The following PHACTR2 variants were observed in gnomAD, a reference collection of about 807,000 sequenced individuals.
PHACTR2 encodes chromosome 6 open reading frame 56.
Under a neutral mutation model 76.0 loss-of-function variants are expected in PHACTR2, and 30 were observed. The observed-to-expected ratio is 0.39, with a 90% CI of 0.30 to 0.54. PHACTR2 has a LOEUF of 0.54. Ranked by LOEUF, PHACTR2 falls within the 20% of genes least tolerant of loss-of-function variation. The pLI is 0.61. For missense variants in PHACTR2, 696 were observed against 781.1 expected, an observed-to-expected ratio of 0.89 and a Z score of 1.30; for synonymous variants, 292 against 292.5, an observed-to-expected ratio of 1.00 and a Z score of 0.02.
chr6:143,786,773 C>T (rs1775565161), intron 10 of PHACTR2, among the ~76,000 whole-genome samples: 2 of 152,182 alleles, frequency 1.3e-5, no homozygotes, highest in South Asian at 2.1e-4. Flanking sequence ...GAGACTCATT[C>T]ACTATCACGA....
Position 143,706,081 on chromosome 6 carries a change from G to A in PHACTR2, c.47-5935G>A, listed in dbSNP as rs1778046856. ...TACTATAATTTTACTTTGTTGCTGA[G>A]ATTATTCCAGCTTTGGCCTTTGGAA... is the stretch of plus-strand genomic sequence containing the variant. On this transcript the variant is annotated intron_variant, in intron 1 of 12. Coordinates refer to ENST00000440869, the MANE Select transcript of PHACTR2 (RefSeq NM_001100164.2). 2.6e-5 allele frequency among the ~76,000 whole-genome samples: 4 copies of A among 152,128 alleles called. No homozygotes were observed. In the East Asian group the frequency reaches 7.7e-4, roughly 29 times the overall value.
rs1030306301 is a variant in PHACTR2 at position 143,757,480 on chromosome 6, T to G, written c.455-2921T>G. Among the ~76,000 whole-genome samples, 1 of 152,172 alleles carries G rather than the reference T, an allele frequency of 6.6e-6. No individual in the cohort carries two copies. Among genetic ancestry groups the G allele is most frequent in the African/African-American group, 2.4e-5 (1 of 41,442 alleles). On this transcript the variant is annotated intron_variant, in intron 4 of 12. Coordinates refer to ENST00000440869, the MANE Select transcript of PHACTR2 (RefSeq NM_001100164.2). The surrounding 1 kb of genome is among the most constrained non-coding windows in gnomAD (Gnocchi z 4.2). ...GGTAAGAATTGCATTCTAGGCAGGG[T>G]GAGGACCACATGCAGCCCCAGGCTT...
At chr6:143,724,907 A>G (rs1441147951) in intron 2 of PHACTR2, among the ~76,000 whole-genome samples, 1 of 152,030 alleles carries the variant, frequency 6.6e-6, no homozygotes, top group Non-Finnish European at 1.5e-5. Flanking sequence ...TCCAGTGTGG[A>G]CTCCTGAGAT....
chr6:143,780,169 A>C lies in PHACTR2; in HGVS notation c.1645+2786A>C, dbSNP rs1775392586. The stretch of plus-strand genomic sequence containing the variant: ...TATGAAAATTTTTAAACATGAAGAA[A>C]AGTTGGAGGAATTTTACAGTAAATC... On this transcript the variant is annotated intron_variant, in intron 9 of 12. Transcript: ENST00000440869. This position sits in a 1 kb window ranked among gnomAD's most constrained non-coding sequence, Gnocchi z 4.4. Among the ~76,000 whole-genome samples the C allele has an allele frequency of 6.6e-6, 1 of 152,106 alleles. No homozygotes were observed. The highest frequency in any genetic ancestry group is 1.5e-5 in the Non-Finnish European group (1 of 68,030).
chr6:143,584,856 A>G (rs527624479), intron 1 of PHACTR2, among the ~76,000 whole-genome samples: 19 of 152,102 alleles, frequency 1.2e-4, no homozygotes, highest in African/African-American at 4.6e-4. Flanking sequence ...GGTAATAAAG[A>G]TTAGGACTCG....
chr6:143,808,408 C>T (rs1299330004), intron 12 of PHACTR2, among the ~76,000 whole-genome samples: 2 of 152,066 alleles, frequency 1.3e-5, no homozygotes, highest in African/African-American at 4.8e-5. Context: ...GGATTACAGG[C>T]ATAAGCCACC....
At chr6:143,769,452 G>A (rs1335400718) in intron 6 of PHACTR2, among the ~76,000 whole-genome samples, 1 of 152,124 alleles carries the variant, frequency 6.6e-6, no homozygotes, top group Non-Finnish European at 1.5e-5. Context: ...CTCATTAAGT[G>A]TAAAATATAA....
At chr6:143,797,722 G>A (rs1202319483) in intron 11 of PHACTR2, among the ~76,000 whole-genome samples, 2 of 152,044 alleles carry the variant, frequency 1.3e-5, no homozygotes, top group African/African-American at 2.4e-5. Flanking sequence ...GGTGGTGGAT[G>A]TGTGGTGTTA....
At position 143,739,392 on chromosome 6, in the gene PHACTR2, G is replaced by A. The variant is rs1277554786; in HGVS notation, c.215-9593G>A. 6.6e-6 allele frequency among the ~76,000 whole-genome samples: 1 copy of A among 152,112 alleles called. No homozygotes were observed. Among genetic ancestry groups the A allele is most frequent in the Non-Finnish European group, 1.5e-5 (1 of 68,014 alleles). On this transcript the variant is annotated intron_variant, in intron 2 of 12. Transcript: ENST00000440869. This position sits in a 1 kb window ranked among gnomAD's most constrained non-coding sequence, Gnocchi z 4.3. ...GATTCACTTTAAAATCAGTTCTCTA[G>A]CCTGTTCTTTTTGGGACGAGATTAG...
Position 143,620,782 on chromosome 6 carries a change from A to T in PHACTR2, c.13+12460A>T, listed in dbSNP as rs916127042. 5.5e-4 allele frequency among the ~76,000 whole-genome samples: 84 copies of T among 152,246 alleles called. 3 individuals carry two copies. The highest frequency in any genetic ancestry group is 1.3e-4 in the Admixed American group (2 of 15,284). ...TTTATGCAGGGGGAAAGCCAGGCAC[A>T]GTTTACCCTTTGGGACGCATGCAAT... On this transcript the variant is annotated intron_variant, in intron 1 of 11. Transcript: ENST00000305766.
chr6:143,724,160 G>C (rs1778505404), intron 2 of PHACTR2, among the ~76,000 whole-genome samples: 1 of 151,686 alleles, frequency 6.6e-6, no homozygotes, highest in Non-Finnish European at 1.5e-5. Flanking sequence ...TTTTGAGATG[G>C]AGTCTCACTC....
Position 143,830,551 on chromosome 6 carries a change from G to A in PHACTR2, c.*6862G>A, listed in dbSNP as rs926984990. ...TTATCTGTACTGTATTATAGTATGTGGGTATAAATATCTACAAGTATACAC... is the reference window on the plus strand; with the variant it reads ...TTATCTGTACTGTATTATAGTATGTAGGTATAAATATCTACAAGTATACAC... On this transcript the variant is annotated 3_prime_UTR_variant, in exon 13 of 13. Coordinates refer to ENST00000440869, the MANE Select transcript of PHACTR2 (RefSeq NM_001100164.2). 2 of 152,012 alleles carry A rather than the reference G, an allele frequency of 1.3e-5. No individual in the cohort carries two copies. Among genetic ancestry groups the A allele is most frequent in the Admixed American group, 6.5e-5 (1 of 15,268 alleles). The allele number at this position is 152,012 out of a possible 1,614,324, so 9.4% of individuals were successfully genotyped here. A position where few individuals can be genotyped will look rare whatever the true frequency, so the allele number is the denominator to read the frequency against.
chr6:143,806,864 G>C lies in PHACTR2; in HGVS notation c.1846-193G>C, dbSNP rs973184838. On this transcript the variant is annotated intron_variant, in intron 11 of 12. Coordinates refer to ENST00000440869, the MANE Select transcript of PHACTR2 (RefSeq NM_001100164.2). The surrounding 1 kb of genome is among the most constrained non-coding windows in gnomAD (Gnocchi z 5.8). Reference sequence around the variant, plus strand: ...CCGAGCTACTGGGAATGCTGAGTTGGGAGGATCACTTGAGCCCAGGAGTTT... The same window carrying C: ...CCGAGCTACTGGGAATGCTGAGTTGCGAGGATCACTTGAGCCCAGGAGTTT... 6.6e-6 allele frequency among the ~76,000 whole-genome samples: 1 copy of C among 151,872 alleles called. No individual in the cohort carries two copies. Among genetic ancestry groups the C allele is most frequent in the Admixed American group, 6.6e-5 (1 of 15,224 alleles).
rs1468438559 is a variant in PHACTR2, at chr6:143,739,446, T to C, written c.215-9539T>C. Among the ~76,000 whole-genome samples the C allele has an allele frequency of 1.3e-5, 2 of 152,196 alleles. No homozygotes were observed. The highest frequency in any genetic ancestry group is 2.9e-5 in the Non-Finnish European group (2 of 68,044). ...GTAATTTCTCTAGGGATGATTATCA[T>C]TATTCGTATTTCAAACATTGGTCCC... On this transcript the variant is annotated intron_variant, in intron 2 of 12. Transcript: ENST00000440869. This position sits in a 1 kb window ranked among gnomAD's most constrained non-coding sequence, Gnocchi z 4.3.
At chr6:143,638,643 G>A (rs146937172) in intron 1 of PHACTR2, among the ~76,000 whole-genome samples, 87 of 150,440 alleles carry the variant, frequency 5.8e-4, no homozygotes, top group African/African-American at 1.5e-3. Flanking sequence ...TTTATATTAA[G>A]CATTAAACAC....
At position 143,820,915 on chromosome 6, in the gene PHACTR2, A is replaced by G. The variant is rs1776405622; in HGVS notation, c.1923-2759A>G. ...AGGTGGAGTGTCTGAAGCTTCCATC[A>G]CTTTTGCATTCTGTGCATCTGCAGG... On this transcript the variant is annotated intron_variant, in intron 12 of 12. Transcript: ENST00000440869. The surrounding 1 kb of genome is among the most constrained non-coding windows in gnomAD (Gnocchi z 4.2). Among the ~76,000 whole-genome samples the G allele has an allele frequency of 6.6e-6, 1 of 152,056 alleles. No homozygotes were observed. Among genetic ancestry groups the G allele is most frequent in the African/African-American group, 2.4e-5 (1 of 41,372 alleles).
At chr6:143,594,587 A>G (rs914043451) in intron 1 of PHACTR2, among the ~76,000 whole-genome samples, 1 of 152,190 alleles carries the variant, frequency 6.6e-6, no homozygotes, top group South Asian at 2.1e-4. Context: ...ATTCAGCCCC[A>G]CTCCTTCTCT....
chr6:143,648,331 A>C lies in PHACTR2; in HGVS notation c.13+40009A>C, dbSNP rs969871907. 5.9e-5 allele frequency among the ~76,000 whole-genome samples: 9 copies of C among 152,208 alleles called. No individual in the cohort carries two copies. The highest frequency in any genetic ancestry group is 2.2e-4 in the African/African-American group (9 of 41,442). The stretch of plus-strand genomic sequence containing the variant: ...TTCCCTGGGAGCTCAATTAGTCATC[A>C]CTTTGCCTTATTATTTACTAAGCGT... On this transcript the variant is annotated intron_variant, in intron 1 of 11. Transcript: ENST00000305766. The surrounding 1 kb of genome is among the most constrained non-coding windows in gnomAD (Gnocchi z 6.7).
At position 143,583,181 on chromosome 6, in the gene PHACTR2, A is replaced by G. The variant is rs894960915; in HGVS notation, c.217+45974A>G. On this transcript the variant is annotated intron_variant, in intron 1 of 11. Transcript: ENST00000367584. This position sits in a 1 kb window ranked among gnomAD's most constrained non-coding sequence, Gnocchi z 4.0. Reference sequence around the variant, plus strand: ...AGGATTTGGTATCTGTGAATTCACCATGGCCACGGTAGTGATAAAGAGCAT... The same window carrying G: ...AGGATTTGGTATCTGTGAATTCACCGTGGCCACGGTAGTGATAAAGAGCAT... Among the ~76,000 whole-genome samples, 5 of 152,208 alleles carry G rather than the reference A, an allele frequency of 3.3e-5. No homozygotes were observed. The highest frequency in any genetic ancestry group is 6.5e-5 in the Admixed American group (1 of 15,282).
Sources: allele counts gnomAD v4.1 joint callset (sites outside exome capture counted in the v4.1 genomes callset), GRCh38; gene constraint gnomAD v4.1.1; non-coding constraint Gnocchi (gnomAD v3.1); transcripts MANE v1.5; gene names NCBI Gene and HGNC (gene_info 2026-07-23, HGNC 2026-07-21).